MAP1B: variants seen among roughly 807,000 people sequenced by gnomAD.
The protein encoded by MAP1B is microtubule-associated protein 1B.
MAP1B carries 12 observed loss-of-function variants against 176.1 expected under a neutral mutation model. The ratio of observed to expected loss-of-function variants is 0.07; its 90% CI spans 0.04 to 0.11. The LOEUF is 0.11. Among genes scored for constraint, MAP1B ranks in the 10% least tolerant of loss-of-function variants. The probability of loss-of-function intolerance (pLI) is 1.00; values close to 1 mark genes in which losing one functional copy is unlikely to be tolerated. For synonymous variants in MAP1B, 1,044 were observed against 1,135.0 expected (o/e 0.92, Z 1.61); for missense variants, 2,523 against 2,990.5 (o/e 0.84, Z 3.65).
rs149644343 is a variant in MAP1B at position 72,197,151 on chromosome 5, C to T, written c.3796C>T (p.Pro1266Ser). 6.2e-7 allele frequency: 1 copy of T among 1,614,190 alleles called. No individual in the cohort carries two copies. The highest frequency in any genetic ancestry group is 1.3e-5 in the African/African-American group (1 of 75,050). ...SPSLSPSPPS[P>S]LEKTPLGERS... ...GTCCCTGAGTCCATCTCCACCATCA[C>T]CCTTAGAAAAGACCCCCCTGGGTGA... The change falls in exon 5 of 7, where the codon CCC (proline) becomes TCC (serine). Residue 1266 changes from proline to serine, a missense_variant. By Grantham distance (74) the Pro-to-Ser change is moderately conservative (BLOSUM62 -1). This residue lies in a region of MAP1B where 1,925 missense variants were observed against 2,126.0 expected (regional missense o/e 0.91). Transcript: ENST00000296755.
At chr5:72,138,237 A>G (rs1745872600) in intron 2 of MAP1B, among the ~76,000 whole-genome samples, 1 of 152,214 alleles carries the variant, frequency 6.6e-6, no homozygotes, top group African/African-American at 2.4e-5. Flanking sequence ...GTGGAGAAAG[A>G]CACACATATA....
chr5:72,160,371 C>A (rs994496508), intron 2 of MAP1B, among the ~76,000 whole-genome samples: 1 of 152,164 alleles, frequency 6.6e-6, no homozygotes, highest in Non-Finnish European at 1.5e-5. Flanking sequence ...ATTTATTTTG[C>A]CAGGCTTGAA....
Position 72,197,905 on chromosome 5 carries a change from C to G in MAP1B, c.4550C>G (p.Thr1517Ser). ...VSQFGSFKED[T>S]KMSISEGTVS... is the part of the protein sequence containing the mutation. ...CAGTTTGGATCTTTTAAAGAAGACA[C>G]TAAGATGTCCATTTCTGAAGGTACT... is the stretch of plus-strand genomic sequence containing the variant. The change falls in exon 5 of 7, where the codon ACT becomes AGT. Residue 1517 changes from threonine to serine, a missense_variant. Physicochemically the swap from Thr to Ser is moderately conservative, Grantham distance 58. Transcript: ENST00000296755. The G allele has an allele frequency of 1.9e-6, 3 of 1,614,192 alleles. No individual in the cohort carries two copies. Among genetic ancestry groups the G allele is most frequent in the Non-Finnish European group, 2.5e-6 (3 of 1,180,018 alleles).
At chr5:72,108,452 C>A (rs1037066454) in intron 1 of MAP1B, among the ~76,000 whole-genome samples, 10 of 152,238 alleles carry the variant, frequency 6.6e-5, no homozygotes, top group African/African-American at 1.9e-4. Context: ...GAAGTCCCAG[C>A]CTCGGGAGTG....
chr5:72,113,693 G>A (rs1166570825), intron 1 of MAP1B, among the ~76,000 whole-genome samples: 1 of 152,160 alleles, frequency 6.6e-6, no homozygotes, highest in Admixed American at 6.5e-5. Context: ...TTAACTTATT[G>A]ACCCAGCTTG....
chr5:72,198,387 C>T lies in MAP1B; in HGVS notation c.5032C>T (p.His1678Tyr), dbSNP rs1747236901. 1 of 1,614,192 alleles carries T rather than the reference C, an allele frequency of 6.2e-7. No homozygotes were observed. Among genetic ancestry groups the T allele is most frequent in the Non-Finnish European group, 8.5e-7 (1 of 1,180,024 alleles). Residue 1678 changes from histidine to tyrosine, a missense_variant, in exon 5 of 7, where the codon CAC becomes TAC. His to Tyr is a moderately conservative substitution (Grantham distance 83). Coordinates refer to ENST00000296755, the MANE Select transcript of MAP1B (RefSeq NM_005909.5). Reference sequence around the variant, plus strand: ...CCCTACAGTGGGTGCAGGCGTGCTTCACATCACTGAAAATGGGCCAACTGA... The same window carrying T: ...CCCTACAGTGGGTGCAGGCGTGCTTTACATCACTGAAAATGGGCCAACTGA... Reference protein sequence around the residue: ...DHPTVGAGVLHITENGPTEVD... With the variant: ...DHPTVGAGVLYITENGPTEVD...
intron 2 of MAP1B, among the ~76,000 whole-genome samples, chr5:72,182,768 A>G (rs61611408): frequency 0.038 from 5,836 of 152,270 alleles, 407 homozygotes; most frequent in African/African-American, 0.13. Flanking sequence ...TCCAAGCAGC[A>G]GACATGTTTG....
intron 2 of MAP1B, among the ~76,000 whole-genome samples, chr5:72,123,493 G>A (rs898529501): frequency 6.8e-6 from 1 of 147,962 alleles, no homozygotes; most frequent in Non-Finnish European, 1.5e-5. Flanking sequence ...TTTTTTTTTA[G>A]TTTTTTTTGA....
intron 3 of MAP1B, among the ~76,000 whole-genome samples, chr5:72,185,426 T>C (rs1746873480): frequency 6.6e-6 from 1 of 152,084 alleles, no homozygotes; most frequent in Non-Finnish European, 1.5e-5. Context: ...AAACCCTGTC[T>C]CTACCAAAAA....
At chr5:72,112,414 G>A (rs1745359185) in intron 1 of MAP1B, among the ~76,000 whole-genome samples, 1 of 152,068 alleles carries the variant, frequency 6.6e-6, no homozygotes, top group Non-Finnish European at 1.5e-5. Flanking sequence ...TGGAAAACTT[G>A]GAACAATCTA....
In MAP1B at chr5:72,199,131, A is replaced by G. The variant is rs759870039; in HGVS notation, c.5776A>G (p.Ile1926Val). 4.3e-6 allele frequency: 7 copies of G among 1,614,146 alleles called. No homozygotes were observed. The South Asian group carries it at 7.7e-5, about 18-fold the overall frequency. ...TGACAGTGGCTACTCCTATGAGACC[A>G]TTGGGAAAACTACCAAGACCCCTGA... Reference protein sequence around the residue: ...PSDSGYSYETIGKTTKTPEDG... With the variant: ...PSDSGYSYETVGKTTKTPEDG... Residue 1926 changes from isoleucine to valine, a missense_variant, in exon 5 of 7, where the codon ATT becomes GTT. Transcript: ENST00000296755. This position sits in a 1 kb window ranked among gnomAD's most constrained non-coding sequence, Gnocchi z 4.2.
At position 72,199,615 on chromosome 5, in the gene MAP1B, C is replaced by G. The variant is rs896691505; in HGVS notation, c.6260C>G (p.Ser2087Cys). Reference sequence around the variant, plus strand: ...GATGTCGATTTATGCCTCGTGTCCTCTTGTGAATACAAGCACCCCAAGACA... The same window carrying G: ...GATGTCGATTTATGCCTCGTGTCCTGTTGTGAATACAAGCACCCCAAGACA... Reference protein sequence around the residue: ...RQDVDLCLVSSCEYKHPKTEL... With the variant: ...RQDVDLCLVSCCEYKHPKTEL... The change falls in exon 5 of 7, where the codon TCT becomes TGT. Residue 2087 changes from serine (S) to cysteine (C), a missense_variant. By Grantham distance (112) the Ser-to-Cys change is moderately radical. This residue lies in a region of MAP1B where 1,925 missense variants were observed against 2,126.0 expected (regional missense o/e 0.91). Coordinates refer to ENST00000296755, the MANE Select transcript of MAP1B (RefSeq NM_005909.5). The surrounding 1 kb of genome is among the most constrained non-coding windows in gnomAD (Gnocchi z 4.2). 3.1e-6 allele frequency: 5 copies of G among 1,614,046 alleles called. No individual in the cohort carries two copies. The highest frequency in any genetic ancestry group is 4.2e-6 in the Non-Finnish European group (5 of 1,180,048).
intron 2 of MAP1B, among the ~76,000 whole-genome samples, chr5:72,158,457 G>A (rs1015773302): frequency 1.3e-5 from 2 of 152,208 alleles, no homozygotes; most frequent in Admixed American, 1.3e-4. Context: ...AGAAAAGAAA[G>A]AGGAGAGGTG....
chr5:72,203,477 G>T (rs1420849832), intron 5 of MAP1B, 86 bp from the exon 6 acceptor site: 2 of 914,838 alleles, frequency 2.2e-6, no homozygotes, highest in African/African-American at 3.3e-5. Flanking sequence ...GAATAGGGAA[G>T]GTGTGATTGA....
intron 3 of MAP1B, among the ~76,000 whole-genome samples, chr5:72,185,071 CG>C (rs1406230045): frequency 2.0e-5 from 3 of 152,186 alleles, no homozygotes; most frequent in Non-Finnish European, 4.4e-5. Flanking sequence ...TGTGGCCTTG[CG>C]TGTCTGGCTT....
chr5:72,168,299 A>T (rs577280441), intron 2 of MAP1B, among the ~76,000 whole-genome samples: 42 of 152,298 alleles, frequency 2.8e-4, no homozygotes, highest in Admixed American at 1.1e-3. Flanking sequence ...TCTTTCTTTC[A>T]GTTAAACTCC....
At chr5:72,165,735 C>A (rs1746415069) in intron 2 of MAP1B, among the ~76,000 whole-genome samples, 3 of 152,180 alleles carry the variant, frequency 2.0e-5, no homozygotes, top group Admixed American at 2.0e-4. Context: ...TAAACATATT[C>A]ATTACATATA....
intron 2 of MAP1B, among the ~76,000 whole-genome samples, chr5:72,168,178 C>T (rs573350278): frequency 6.6e-6 from 1 of 152,338 alleles, no homozygotes; most frequent in Non-Finnish European, 1.5e-5. Flanking sequence ...AGCAGTGGTG[C>T]CCTCGGCAAC....
chr5:72,124,960 A>C (rs894847621), intron 2 of MAP1B, among the ~76,000 whole-genome samples: 1 of 152,212 alleles, frequency 6.6e-6, no homozygotes, highest in Non-Finnish European at 1.5e-5. Flanking sequence ...TTATTGCAAT[A>C]AAATTAAAGA....
Sources: allele counts gnomAD v4.1 joint callset (sites outside exome capture counted in the v4.1 genomes callset), GRCh38; gene constraint gnomAD v4.1.1; regional missense constraint gnomAD v4.1.1; non-coding constraint Gnocchi (gnomAD v3.1); transcripts MANE v1.5; gene names NCBI Gene and HGNC (gene_info 2026-07-23, HGNC 2026-07-21).